Variants in KAZN observed in about 807,000 individuals in gnomAD.
KAZN encodes kazrin.
In KAZN, 40 loss-of-function variants were observed where a neutral mutation model predicts 87.4. That is an observed-to-expected ratio of 0.46 (90% CI 0.36 to 0.60). The LOEUF is 0.60. Ranked by LOEUF, KAZN falls within the 20% of genes least tolerant of loss-of-function variation. The pLI is 0.00. For missense variants in KAZN, 898 were observed against 1,073.9 expected, an observed-to-expected ratio of 0.84 and a Z score of 2.29; for synonymous variants, 466 against 458.3, an observed-to-expected ratio of 1.02 and a Z score of -0.22.
intron 2 of KAZN, among the ~76,000 whole-genome samples, chr1:14,390,049 G>A (rs965381993): frequency 2.0e-4 from 30 of 152,060 alleles, no homozygotes; most frequent in African/African-American, 1.9e-4. Flanking sequence ...AAATAAGTAC[G>A]TGGGCATATT....
In KAZN at chr1:14,431,858, C is replaced by T. The variant is rs761987069; in HGVS notation, c.250-167125C>T. On this transcript the variant is annotated intron_variant, in intron 2 of 16. Transcript: ENST00000636203. The stretch of plus-strand genomic sequence containing the variant: ...TCCCTGGTTTTGAAGCTTTTGGACT[C>T]GGACTGAGACACTACTGCCTTGTCT... Among the ~76,000 whole-genome samples, 4 of 152,286 alleles carry T rather than the reference C, an allele frequency of 2.6e-5. 1 individual carries two copies. The highest frequency in any genetic ancestry group is 3.9e-4 in the East Asian group (2 of 5,182).
At chr1:14,265,919 C>A (rs1299620374) in intron 2 of KAZN, among the ~76,000 whole-genome samples, 4 of 152,204 alleles carry the variant, frequency 2.6e-5, no homozygotes, top group Non-Finnish European at 5.9e-5. Flanking sequence ...GCAAAAAGAA[C>A]AACTGCCAAG....
intron 2 of KAZN, among the ~76,000 whole-genome samples, chr1:14,214,712 C>T (rs1231016573): frequency 1.3e-5 from 2 of 152,132 alleles, no homozygotes; most frequent in Admixed American, 6.5e-5. Context: ...GCATGAAAAA[C>T]AAATAGAATA....
At chr1:14,676,487 A>G (rs1189554905) in intron 1 of KAZN, among the ~76,000 whole-genome samples, 1 of 152,170 alleles carries the variant, frequency 6.6e-6, no homozygotes, top group Non-Finnish European at 1.5e-5. Flanking sequence ...GTCCTCCTGC[A>G]GGGAAGGTTG....
intron 2 of KAZN, among the ~76,000 whole-genome samples, chr1:14,356,683 A>G (rs1375667106): frequency 2.6e-5 from 4 of 152,130 alleles, no homozygotes; most frequent in Non-Finnish European, 4.4e-5. Context: ...TAAATAGGGA[A>G]TCCTTTCCCC....
intron 1 of KAZN, among the ~76,000 whole-genome samples, chr1:13,921,282 C>G (rs1009349897): frequency 6.6e-6 from 1 of 152,162 alleles, no homozygotes; most frequent in South Asian, 2.1e-4. Context: ...GTGCAGAGGT[C>G]AGCAAACTTT....
chr1:14,647,165 G>A (rs904487992), intron 1 of KAZN, among the ~76,000 whole-genome samples: 1 of 152,190 alleles, frequency 6.6e-6, no homozygotes, highest in African/African-American at 2.4e-5. Flanking sequence ...AAATATGGAA[G>A]AGTAACATAT....
chr1:14,030,729 G>A (rs1367654590), intron 1 of KAZN, among the ~76,000 whole-genome samples: 1 of 151,448 alleles, frequency 6.6e-6, no homozygotes, highest in Non-Finnish European at 1.5e-5. Context: ...TTGGACAGAT[G>A]GATGTTTATT....
intron 1 of KAZN, among the ~76,000 whole-genome samples, chr1:14,715,620 T>C (rs1338479183): frequency 6.6e-6 from 1 of 152,120 alleles, no homozygotes; most frequent in African/African-American, 2.4e-5. Flanking sequence ...GAGAGCACAT[T>C]TTTCTCCGAG....
intron 1 of KAZN, among the ~76,000 whole-genome samples, chr1:14,168,313 G>A (rs1645875903): frequency 1.3e-5 from 2 of 152,190 alleles, no homozygotes; most frequent in Admixed American, 6.5e-5. Flanking sequence ...GAAGCTGTTT[G>A]GAATGCCCGT....
At chr1:14,371,552 G>A (rs1337831276) in intron 2 of KAZN, among the ~76,000 whole-genome samples, 1 of 152,104 alleles carries the variant, frequency 6.6e-6, no homozygotes, top group Non-Finnish European at 1.5e-5. Context: ...TCAGTCCCTG[G>A]GAGAGGCTGA....
intron 1 of KAZN, among the ~76,000 whole-genome samples, chr1:13,932,540 G>A (rs1640566168): frequency 6.6e-6 from 1 of 152,154 alleles, no homozygotes; most frequent in Non-Finnish European, 1.5e-5. Context: ...GATTACAGGC[G>A]TGAGCCACCG....
chr1:14,205,797 A>G (rs977335003), intron 2 of KAZN, among the ~76,000 whole-genome samples: 29 of 146,670 alleles, frequency 2.0e-4, no homozygotes, highest in African/African-American at 7.2e-4. Context: ...AAGGCAGGAG[A>G]ATCGATTGAA....
chr1:15,078,012 T>C (rs1473571841), intron 8 of KAZN, among the ~76,000 whole-genome samples: 1 of 152,166 alleles, frequency 6.6e-6, no homozygotes, highest in Non-Finnish European at 1.5e-5. Context: ...AGGATGCAGA[T>C]GTGGATGATG....
At chr1:14,493,040 C>T (rs1181309085) in intron 2 of KAZN, among the ~76,000 whole-genome samples, 1 of 152,030 alleles carries the variant, frequency 6.6e-6, no homozygotes, top group African/African-American at 2.4e-5. Flanking sequence ...CACAGCTTGT[C>T]CCCCACCTCT....
At chr1:15,090,262 A>G (rs910171470) in intron 8 of KAZN, among the ~76,000 whole-genome samples, 1 of 152,126 alleles carries the variant, frequency 6.6e-6, no homozygotes, top group Non-Finnish European at 1.5e-5. Context: ...TTGGCCACAT[A>G]TCACCTCTCC....
chr1:14,782,170 G>A (rs1645370434), intron 1 of KAZN, among the ~76,000 whole-genome samples: 1 of 152,206 alleles, frequency 6.6e-6, no homozygotes. Context: ...TAATGCCGAA[G>A]ATGGGACTTC....
intron 1 of KAZN, among the ~76,000 whole-genome samples, chr1:14,710,204 G>A (rs960626510): frequency 1.3e-5 from 2 of 152,146 alleles, no homozygotes; most frequent in Admixed American, 1.3e-4. Context: ...TGGTCTCTGA[G>A]AGCATCTTCA....
chr1:15,050,283 T>C (rs28620491), intron 4 of KAZN, among the ~76,000 whole-genome samples: 51,422 of 151,324 alleles, frequency 0.34, 10,841 homozygotes, highest in East Asian at 0.71. Context: ...GCAGGCACGC[T>C]GCAGAACTCG....
Sources: gnomAD v4.1 joint callset for allele counts (sites outside exome capture counted in the v4.1 genomes callset) on GRCh38, gnomAD v4.1.1 for gene constraint, MANE v1.5 for transcripts, NCBI Gene and HGNC (gene_info 2026-07-23, HGNC 2026-07-21) for gene names.